The following TRPM6 variants were observed in gnomAD, a reference collection of about 807,000 sequenced individuals.
The protein encoded by TRPM6 is transient receptor potential cation channel subfamily M member 6.
A neutral mutation model predicts 247.6 loss-of-function variants in TRPM6; 111 were observed. The observed-to-expected ratio is 0.45, with a 90% CI of 0.38 to 0.52. The LOEUF is 0.52. TRPM6 is among the 20% of genes least tolerant of loss of function. TRPM6 has a pLI of 0.00. For missense variants in TRPM6, 2,126 were observed against 2,421.5 expected, an observed-to-expected ratio of 0.88 and a Z score of 2.56; for synonymous variants, 892 against 853.8, an observed-to-expected ratio of 1.04 and a Z score of -0.78.
chr9:74,818,297 T>TTC (rs1208605034), intron 9 of TRPM6, among the ~76,000 whole-genome samples: 2 of 140,558 alleles, frequency 1.4e-5, no homozygotes, highest in East Asian at 4.1e-4. Context: ...TCATTTCTTT[T>TTC]TTTTTTTTTT....
intron 25 of TRPM6, among the ~76,000 whole-genome samples, chr9:74,770,809 T>C (rs750163442): frequency 6.6e-6 from 1 of 152,184 alleles, no homozygotes; most frequent in Non-Finnish European, 1.5e-5. Flanking sequence ...TGGATCATTT[T>C]CAGGACCATG....
chr9:74,752,969 C>A (rs1181431775), intron 28 of TRPM6, among the ~76,000 whole-genome samples: 1 of 151,898 alleles, frequency 6.6e-6, no homozygotes, highest in African/African-American at 2.4e-5. Flanking sequence ...AAAAATGAAC[C>A]AGGTGTGGTG....
chr9:74,798,680 C>A (rs1389346902), intron 17 of TRPM6, among the ~76,000 whole-genome samples: 1 of 152,162 alleles, frequency 6.6e-6, no homozygotes, highest in Non-Finnish European at 1.5e-5. Context: ...GCCAGGACAT[C>A]TCACAATTAT....
intron 3 of TRPM6, among the ~76,000 whole-genome samples, chr9:74,848,335 T>C (rs913481916): frequency 6.6e-6 from 1 of 152,094 alleles, no homozygotes; most frequent in Non-Finnish European, 1.5e-5. Context: ...AGACAGTCAA[T>C]CAGATAACCC....
In TRPM6 at chr9:74,887,272, A is replaced by T. The variant is rs551189512; in HGVS notation, c.33+552T>A. 5,278 of 1,340,288 alleles carry T rather than the reference A, an allele frequency of 3.9e-3. 24 individuals are homozygous for T. Among genetic ancestry groups the T allele is most frequent in the Non-Finnish European group, 4.1e-3 (4,311 of 1,048,182 alleles). The allele number at this position is 1,340,288 out of a possible 1,614,324, so 83.0% of individuals were successfully genotyped here. A position where few individuals can be genotyped will look rare whatever the true frequency, so the allele number is the denominator to read the frequency against. The stretch of plus-strand genomic sequence containing the variant: ...ATCGCTCCGGGACTCCTGCACGGGG[A>T]ACACTGGGCGCACGGGGACGCGCAG... On this transcript the variant is annotated intron_variant, in intron 1 of 38. Coordinates refer to ENST00000360774, the MANE Select transcript of TRPM6 (RefSeq NM_017662.5).
At position 74,874,808 on chromosome 9, in the gene TRPM6, T is replaced by C. The variant is rs190349547; in HGVS notation, c.33+13016A>G. ...TCTCACTGTGTCACCCAGGCCAGAG[T>C]GTAGTGGTGCAATCTTAGCTCACTG... On this transcript the variant is annotated intron_variant, in intron 1 of 38. Coordinates refer to ENST00000360774, the MANE Select transcript of TRPM6 (RefSeq NM_017662.5). Among the ~76,000 whole-genome samples the C allele has an allele frequency of 1.4e-3, 207 of 150,862 alleles. 1 individual carries two copies. Among genetic ancestry groups the C allele is most frequent in the Non-Finnish European group, 2.2e-3 (148 of 67,812 alleles).
chr9:74,835,095 C>T (rs765909522), intron 5 of TRPM6, among the ~76,000 whole-genome samples: 52 of 152,072 alleles, frequency 3.4e-4, no homozygotes, highest in Non-Finnish European at 6.2e-4. Context: ...CTCTCCAGCA[C>T]CTGTTTCCTG....
intron 21 of TRPM6, among the ~76,000 whole-genome samples, chr9:74,783,215 A>G (rs1827525375): frequency 6.6e-6 from 1 of 152,110 alleles, no homozygotes; most frequent in Non-Finnish European, 1.5e-5. Flanking sequence ...GTATTGTTGA[A>G]TTAGTCCAAT....
chr9:74,858,756 G>A lies in TRPM6; in HGVS notation c.34-8C>T. On this transcript the variant is annotated splice_region_variant and splice_polypyrimidine_tract_variant and intron_variant, in intron 1 of 38. Transcript: ENST00000360774. Reference sequence around the variant, plus strand: ...AATCCAGGATTTCTGGGACTAAAAAGAAAGTGTCATTATTTTATACTCTAA... The same window carrying A: ...AATCCAGGATTTCTGGGACTAAAAAAAAAGTGTCATTATTTTATACTCTAA... 6.2e-7 allele frequency: 1 copy of A among 1,603,338 alleles called. No homozygotes were observed. Among genetic ancestry groups the A allele is most frequent in the East Asian group, 2.2e-5 (1 of 44,692 alleles).
At chr9:74,756,624 G>C (rs1675214402) in intron 27 of TRPM6, among the ~76,000 whole-genome samples, 2 of 142,884 alleles carry the variant, frequency 1.4e-5, no homozygotes, top group South Asian at 4.5e-4. Context: ...CAGGTGAATA[G>C]CTTGAGCTTA....
chr9:74,730,141 G>A (rs1167006169), intron 37 of TRPM6, among the ~76,000 whole-genome samples: 30 of 152,164 alleles, frequency 2.0e-4, no homozygotes, highest in Admixed American at 2.0e-3. Context: ...CTGTTTTCCA[G>A]ATTTTTCACA....
At position 74,803,671 on chromosome 9, in the gene TRPM6, C is replaced by T. The variant is rs1439755711; in HGVS notation, c.1731+123G>A. ...GTGTTATGCTTTTGACTTGCACCAT[C>T]TGTTTATGGCACTTATAAATGGTCC... On this transcript the variant is annotated intron_variant, in intron 15 of 38. Coordinates refer to ENST00000360774, the MANE Select transcript of TRPM6 (RefSeq NM_017662.5). The T allele has an allele frequency of 7.6e-6, 6 of 786,302 alleles. No homozygotes were observed. The East Asian group carries it at 1.2e-4, about 16-fold the overall frequency. The allele number at this position is 786,302 out of a possible 1,614,324, so 48.7% of individuals were successfully genotyped here. A position where few individuals can be genotyped will look rare whatever the true frequency, so the allele number is the denominator to read the frequency against.
intron 5 of TRPM6, among the ~76,000 whole-genome samples, chr9:74,839,110 C>CAAAAAA (rs1041936045): frequency 1.6e-5 from 1 of 62,894 alleles, no homozygotes; most frequent in East Asian, 6.0e-4. Context: ...GACTTCATCT[C>CAAAAAA]AAAAAAAAAA....
chr9:74,840,162 G>A lies in TRPM6; in HGVS notation c.406C>T (p.Pro136Ser), dbSNP rs1471268371. The change falls in exon 5 of 39, where the codon CCC (proline) becomes TCC (serine). Residue 136 changes from proline (P) to serine (S), a missense_variant. Physicochemically the swap from Pro to Ser is moderately conservative, Grantham distance 74. Around this residue, in one of 3 missense-constraint regions of TRPM6, gnomAD observed 1,082 missense variants for 1,307.9 expected, o/e 0.83. Transcript: ENST00000360774. ...LMLKEWKMEL[P>S]KLVISVHGGI... is the part of the protein sequence containing the mutation. Reference sequence around the variant, plus strand: ...CCATGGACTGAGATCACAAGCTTGGGCAGTTCCATTTTCCACTCTTTCAAC... The same window carrying A: ...CCATGGACTGAGATCACAAGCTTGGACAGTTCCATTTTCCACTCTTTCAAC... The A allele has an allele frequency of 6.2e-7, 1 of 1,613,916 alleles. No individual in the cohort carries two copies. Among genetic ancestry groups the A allele is most frequent in the Non-Finnish European group, 8.5e-7 (1 of 1,179,986 alleles).
At chr9:74,725,064 A>T (rs544005733) in intron 38 of TRPM6, among the ~76,000 whole-genome samples, 33 of 152,266 alleles carry the variant, frequency 2.2e-4, no homozygotes, top group African/African-American at 7.2e-4. Flanking sequence ...GAAATGGGGC[A>T]TTTTACTACT....
At chr9:74,785,327 T>G (rs564983866) in intron 21 of TRPM6, among the ~76,000 whole-genome samples, 1 of 152,054 alleles carries the variant, frequency 6.6e-6, no homozygotes, top group Non-Finnish European at 1.5e-5. Flanking sequence ...TGACTATAGT[T>G]AATAATAATT....
chr9:74,834,094 C>T lies in TRPM6; in HGVS notation c.573G>A (p.Leu191=). 1 of 1,614,096 alleles carries T rather than the reference C, an allele frequency of 6.2e-7. No individual in the cohort carries two copies. The highest frequency in any genetic ancestry group is 8.5e-7 in the Non-Finnish European group (1 of 1,179,974). The change falls in exon 6 of 39, where the codon TTG becomes TTA. Residue 191 remains leucine, a synonymous_variant. Transcript: ENST00000360774. The part of the protein sequence containing the change: ...TGVSKHVGDA[L]KSHSSHSLRK... ...TCAAGGAATGAGAGGAATGGGATTT[C>T]AAGGCATCCCCAACATGCTTGGACA...
intron 5 of TRPM6, among the ~76,000 whole-genome samples, chr9:74,834,522 G>C (rs1829654254): frequency 6.6e-6 from 1 of 151,884 alleles, no homozygotes; most frequent in African/African-American, 2.4e-5. Flanking sequence ...GAGTGGGTTT[G>C]TTACATATGT....
In TRPM6 at chr9:74,762,494, C is replaced by A. The variant is rs3750425; in HGVS notation, c.4177G>T (p.Val1393Phe). The change falls in exon 26 of 39, where the codon GTT (valine) becomes TTT (phenylalanine). Residue 1393 changes from valine to phenylalanine, a missense_variant. Val to Phe is a conservative substitution (Grantham distance 50). Around this residue, in one of 3 missense-constraint regions of TRPM6, gnomAD observed 717 missense variants for 715.9 expected, o/e 1.00. Coordinates refer to ENST00000360774, the MANE Select transcript of TRPM6 (RefSeq NM_017662.5). ...VLVHLTGQTP[V>F]VSDWASVDEP... is the part of the protein sequence containing the mutation. ...TCCACTGATGCCCAGTCAGAGACAA[C>A]TGGGGTCTGCCCAGTCAGATGAACA... is the stretch of plus-strand genomic sequence containing the variant. 3 of 1,614,030 alleles carry A rather than the reference C, an allele frequency of 1.9e-6. No individual in the cohort carries two copies. The highest frequency in any genetic ancestry group is 2.5e-6 in the Non-Finnish European group (3 of 1,180,020).
Sources: gnomAD v4.1 joint callset for allele counts (sites outside exome capture counted in the v4.1 genomes callset) on GRCh38, gnomAD v4.1.1 for gene constraint, gnomAD v4.1.1 regional missense constraint, MANE v1.5 for transcripts, NCBI Gene and HGNC (gene_info 2026-07-23, HGNC 2026-07-21) for gene names.